The following IGFL2 variants were observed in gnomAD, a reference collection of about 807,000 sequenced individuals.
IGFL2 encodes insulin growth factor-like family member 2.
Under a neutral mutation model 13.9 loss-of-function variants are expected in IGFL2, and 7 were observed. The observed-to-expected ratio is 0.51, with a 90% CI of 0.29 to 0.95. IGFL2 has a LOEUF of 0.95. IGFL2 is among the 40% of genes least tolerant of loss of function. IGFL2 has a pLI of 0.08. For synonymous variants in IGFL2, 55 were observed against 55.8 expected (o/e 0.99, Z 0.07); for missense variants, 138 against 147.8 (o/e 0.93, Z 0.34).
chr19:46,137,572 G>T, the IGFL2 span: 1 of 1,036,112 alleles, frequency 9.7e-7, no homozygotes, highest in Admixed American at 1.7e-5. Flanking sequence ...CCGTCTCACT[G>T]CCAGATGCTG....
chr19:46,209,386 T>C, the IGFL2 span: 1 of 152,204 alleles, frequency 6.6e-6, no homozygotes, highest in Non-Finnish European at 1.5e-5. Context: ...GGGGAAGAAC[T>C]AAGGCTCTTC....
At chr19:46,167,707 T>C in the IGFL2 span, among the ~76,000 whole-genome samples, 3 of 152,194 alleles carry the variant, frequency 2.0e-5, no homozygotes, top group Admixed American at 6.5e-5. Context: ...ATGTGGAGCC[T>C]CTAAGGAAGT....
the IGFL2 span, among the ~76,000 whole-genome samples, chr19:46,126,539 A>G: frequency 1.3e-5 from 2 of 152,174 alleles, no homozygotes; most frequent in Non-Finnish European, 2.9e-5. Context: ...ACAAAATGTG[A>G]TACTCTTCAT....
At chr19:46,179,696 AG>A in the IGFL2 span, among the ~76,000 whole-genome samples, 5 of 152,076 alleles carry the variant, frequency 3.3e-5, no homozygotes, top group African/African-American at 9.7e-5. Flanking sequence ...GGAGGCCACG[AG>A]GGGAGGTCAG....
chr19:46,160,069 C>A, intron 1 of IGFL2: 1 of 295,350 alleles, frequency 3.4e-6, no homozygotes, highest in Non-Finnish European at 6.4e-6. Context: ...TCTTACTCAG[C>A]TTCCTTCCTC....
the IGFL2 span, among the ~76,000 whole-genome samples, chr19:46,127,251 A>G: frequency 1.3e-5 from 2 of 152,122 alleles, no homozygotes; most frequent in Non-Finnish European, 2.9e-5. Flanking sequence ...TTAGTTGGGC[A>G]TGGTGGTACA....
chr19:46,088,687 G>T, the IGFL2 span, among the ~76,000 whole-genome samples: 7 of 152,062 alleles, frequency 4.6e-5, no homozygotes, highest in African/African-American at 1.7e-4. Flanking sequence ...GAGGCATTTG[G>T]GTGACAATAA....
At chr19:46,180,877 G>C in the IGFL2 span, among the ~76,000 whole-genome samples, 1 of 152,316 alleles carries the variant, frequency 6.6e-6, no homozygotes, top group Admixed American at 6.5e-5. Flanking sequence ...TCAGCAAGTT[G>C]ACTCATTCCG....
chr19:46,140,064 C>T (rs1972790159), upstream of IGFL2, among the ~76,000 whole-genome samples: 1 of 152,084 alleles, frequency 6.6e-6, no homozygotes, highest in Non-Finnish European at 1.5e-5. Flanking sequence ...ATTCTCCTGC[C>T]TCAGCCTCCT....
chr19:46,160,383 CCCATCCTTAA>C (rs1568433303), intron 1 of IGFL2, 22 bp from the exon 2 acceptor site: 1 of 1,600,158 alleles, frequency 6.2e-7, no homozygotes, highest in Non-Finnish European at 8.5e-7. Context: ...CACTTCCAGC[CCCATCCTTAA>C]CCTCCTTTCT....
chr19:46,205,161 A>C, the IGFL2 span, among the ~76,000 whole-genome samples: 1 of 152,200 alleles, frequency 6.6e-6, no homozygotes, highest in Non-Finnish European at 1.5e-5. Flanking sequence ...GCAGATAGTG[A>C]AGGTAAGAAA....
chr19:46,148,402 C>A (rs1382552719), intron 1 of IGFL2, 105 bp downstream of exon 1: 6 of 1,020,906 alleles, frequency 5.9e-6, no homozygotes, highest in South Asian at 1.4e-5. Context: ...TCTTGGTTTC[C>A]CACCTCATAA....
At chr19:46,155,535 T>TA (rs1312189814) in intron 1 of IGFL2, among the ~76,000 whole-genome samples, 2 of 152,094 alleles carry the variant, frequency 1.3e-5, no homozygotes, top group Non-Finnish European at 2.9e-5. Context: ...GTTGTTTTTA[T>TA]AAAAAAAATA....
At chr19:46,185,852 G>A in the IGFL2 span, among the ~76,000 whole-genome samples, 967 of 152,198 alleles carry the variant, frequency 6.4e-3, 8 homozygotes, top group African/African-American at 0.022. Flanking sequence ...CTCGCACCCC[G>A]GCCTCCCAAG....
upstream of IGFL2, among the ~76,000 whole-genome samples, chr19:46,141,690 C>G (rs182979181): frequency 3.6e-4 from 55 of 152,184 alleles, 1 homozygote; most frequent in African/African-American, 1.2e-3. Flanking sequence ...ACTCTTAGTT[C>G]CCTTCAGGGT....
upstream of IGFL2, among the ~76,000 whole-genome samples, chr19:46,145,600 A>C: frequency 1.1e-5 from 1 of 94,574 alleles, no homozygotes; most frequent in South Asian, 3.6e-4. Context: ...ACTCATATAT[A>C]TGTGTGTGTG....
chr19:46,124,007 G>C, the IGFL2 span: 2 of 1,611,532 alleles, frequency 1.2e-6, no homozygotes, highest in Non-Finnish European at 1.7e-6. Context: ...TCAAAGCAGG[G>C]CCAGAAGGTG....
the IGFL2 span, chr19:46,124,757 A>G: frequency 7.5e-6 from 7 of 930,832 alleles, no homozygotes; most frequent in South Asian, 1.3e-5. Context: ...TACTGATTGG[A>G]TGGCTGCTGA....
chr19:46,189,199 A>G, the IGFL2 span: 1 of 152,788 alleles, frequency 6.5e-6, no homozygotes, highest in African/African-American at 2.4e-5. Flanking sequence ...TCATGTATCC[A>G]CTGGACAGGC....
Sources: allele counts gnomAD v4.1 joint callset (sites outside exome capture counted in the v4.1 genomes callset), GRCh38; gene constraint gnomAD v4.1.1; transcripts MANE v1.5; gene names NCBI Gene and HGNC (gene_info 2026-07-23, HGNC 2026-07-21).